The following SPART variants were observed in gnomAD, a reference collection of about 807,000 sequenced individuals.
SPART encodes spartin, also known as spastic paraplegia 20 (Troyer syndrome).
A neutral mutation model predicts 58.7 loss-of-function variants in SPART; 35 were observed. That is an observed-to-expected ratio of 0.60 (90% CI 0.46 to 0.79). SPART has a LOEUF of 0.79. Ranked by LOEUF, SPART falls within the 30% of genes least tolerant of loss-of-function variation. The pLI, the probability that SPART is intolerant of heterozygous loss-of-function variation, is 0.00. For missense variants in SPART, 730 were observed against 786.1 expected (o/e 0.93, Z 0.85); for synonymous variants, 284 against 280.7 (o/e 1.01, Z -0.12).
At chr13:36,314,023 A>G (rs1881407242) in intron 6 of SPART, 2 of 589,710 alleles carry the variant, frequency 3.4e-6, no homozygotes, top group African/African-American at 1.9e-5. Flanking sequence ...TGTCCCTAAA[A>G]TTCTGCATTT....
intron 5 of SPART, among the ~76,000 whole-genome samples, chr13:36,316,272 A>T (rs1170883789): frequency 1.3e-5 from 2 of 152,238 alleles, no homozygotes; most frequent in Non-Finnish European, 2.9e-5. Flanking sequence ...TACAGTTGTT[A>T]TTAAAAACAG....
intron 1 of SPART, among the ~76,000 whole-genome samples, chr13:36,345,335 T>C (rs1884985454): frequency 6.6e-6 from 1 of 152,162 alleles, no homozygotes; most frequent in Non-Finnish European, 1.5e-5. Context: ...GCCACCAAAT[T>C]AAGTCTACGA....
At chr13:36,312,273 C>A (rs764519012) in intron 7 of SPART, 38 bp from the exon 8 acceptor site, 1 of 1,613,674 alleles carries the variant, frequency 6.2e-7, no homozygotes, top group African/African-American at 1.3e-5. Flanking sequence ...AAATCTAGTC[C>A]AAAGCAAACG....
intron 1 of SPART, among the ~76,000 whole-genome samples, chr13:36,358,519 C>G (rs530187973): frequency 9.9e-5 from 15 of 152,256 alleles, no homozygotes; most frequent in African/African-American, 3.4e-4. Flanking sequence ...AGCTATTGGC[C>G]ATTTTTAAAA....
chr13:36,339,701 T>TA (rs962628687), intron 1 of SPART, among the ~76,000 whole-genome samples: 4 of 57,474 alleles, frequency 7.0e-5, no homozygotes, highest in Admixed American at 5.0e-4. Flanking sequence ...AGAGAAAAAA[T>TA]AAGGGATGAA....
At chr13:36,359,827 A>T (rs1434396052) in intron 1 of SPART, among the ~76,000 whole-genome samples, 1 of 150,706 alleles carries the variant, frequency 6.6e-6, no homozygotes, top group Non-Finnish European at 1.5e-5. Flanking sequence ...CACTGCTAAA[A>T]CAGGGTAATG....
chr13:36,363,484 C>T (rs796427238), intron 1 of SPART, among the ~76,000 whole-genome samples: 50 of 152,150 alleles, frequency 3.3e-4, no homozygotes, highest in African/African-American at 1.1e-3. Context: ...TTCCCATCTA[C>T]TCTTCTCTGC....
At chr13:36,311,571 C>A (rs1881109521) in intron 8 of SPART, among the ~76,000 whole-genome samples, 1 of 152,020 alleles carries the variant, frequency 6.6e-6, no homozygotes, top group Admixed American at 6.5e-5. Context: ...ATAAGGTATA[C>A]AGAAATTCCA....
chr13:36,336,257 A>AG (rs926551061), intron 1 of SPART: 5 of 158,320 alleles, frequency 3.2e-5, no homozygotes, highest in African/African-American at 1.2e-4. Context: ...AACAGAAATG[A>AG]GAAAAAAAAA....
intron 1 of SPART, among the ~76,000 whole-genome samples, chr13:36,361,724 T>C (rs1028153782): frequency 6.6e-6 from 1 of 152,212 alleles, no homozygotes; most frequent in Non-Finnish European, 1.5e-5. Flanking sequence ...TTCATTCTGA[T>C]GGATAATTGA....
intron 8 of SPART, among the ~76,000 whole-genome samples, chr13:36,306,851 A>G (rs1178743726): frequency 6.6e-6 from 1 of 152,174 alleles, no homozygotes; most frequent in Non-Finnish European, 1.5e-5. Context: ...CATATCATCA[A>G]CTTTCTCTTC....
In SPART at chr13:36,304,304, C is replaced by T. The variant is rs1432012144; in HGVS notation, c.*61G>A. ...AATCTGTGAGGAATTCCACATTTGC[C>T]TATTTAACAAAATTTCATCCATTTC... is the stretch of plus-strand genomic sequence containing the variant. On this transcript the variant is annotated 3_prime_UTR_variant, in exon 9 of 9. Coordinates refer to ENST00000438666, the MANE Select transcript of SPART (RefSeq NM_015087.5). The T allele has an allele frequency of 6.3e-6, 10 of 1,596,936 alleles. No homozygotes were observed. In the Admixed American group the frequency reaches 1.0e-4, roughly 16 times the overall value.
At chr13:36,362,933 T>G (rs1392018870) in intron 1 of SPART, among the ~76,000 whole-genome samples, 1 of 152,198 alleles carries the variant, frequency 6.6e-6, no homozygotes, top group East Asian at 1.9e-4. Flanking sequence ...TTTCTGCTGG[T>G]GATTATTAAC....
At chr13:36,315,721 T>C (rs1342949054) in intron 5 of SPART, among the ~76,000 whole-genome samples, 1 of 152,148 alleles carries the variant, frequency 6.6e-6, no homozygotes, top group African/African-American at 2.4e-5. Context: ...TTTAAAAAAA[T>C]TATCTTTTTA....
At chr13:36,349,822 G>A (rs1885342895), upstream of SPART, among the ~76,000 whole-genome samples, 2 of 152,172 alleles carry the variant, frequency 1.3e-5, no homozygotes, top group Non-Finnish European at 2.9e-5. Flanking sequence ...AGAAAGGTGG[G>A]GGAAAGTATT....
chr13:36,318,091 C>T (rs1380738915), intron 5 of SPART, among the ~76,000 whole-genome samples: 3 of 152,084 alleles, frequency 2.0e-5, no homozygotes, highest in Non-Finnish European at 4.4e-5. Context: ...TTTCTACAGA[C>T]CCATCTGACC....
At chr13:36,364,024 A>G (rs1324113582) in intron 1 of SPART, among the ~76,000 whole-genome samples, 1 of 152,110 alleles carries the variant, frequency 6.6e-6, no homozygotes, top group Non-Finnish European at 1.5e-5. Flanking sequence ...GCAGTAGTAT[A>G]AAGTTTTACA....
intron 5 of SPART, among the ~76,000 whole-genome samples, chr13:36,318,103 C>T (rs1176258107): frequency 6.6e-6 from 1 of 152,086 alleles, no homozygotes; most frequent in African/African-American, 2.4e-5. Flanking sequence ...CATCTGACCT[C>T]TCCCTTCCTC....
At chr13:36,321,022 T>C (rs1200132486) in intron 5 of SPART, among the ~76,000 whole-genome samples, 1 of 152,128 alleles carries the variant, frequency 6.6e-6, no homozygotes, top group East Asian at 1.9e-4. Context: ...GACTGGACAA[T>C]ACTTTTACCA....
Sources: gnomAD v4.1 joint callset for allele counts (sites outside exome capture counted in the v4.1 genomes callset) on GRCh38, gnomAD v4.1.1 for gene constraint, MANE v1.5 for transcripts, NCBI Gene and HGNC (gene_info 2026-07-23, HGNC 2026-07-21) for gene names.